AUTS2: variants seen among roughly 807,000 people sequenced by gnomAD.
AUTS2 encodes activator of transcription and developmental regulator AUTS2.
Under a neutral mutation model 112.4 loss-of-function variants are expected in AUTS2, and 17 were observed. The observed-to-expected ratio is 0.15, with a 90% CI of 0.10 to 0.23. The LOEUF (loss-of-function observed/expected upper bound fraction) is 0.23, where lower values mean the gene tolerates loss of function less well. Among genes scored for constraint, AUTS2 ranks in the 10% least tolerant of loss-of-function variants. AUTS2 has a pLI of 1.00. For missense variants in AUTS2, 1,510 were observed against 1,701.6 expected, an observed-to-expected ratio of 0.89 and a Z score of 1.98; for synonymous variants, 751 against 702.7, an observed-to-expected ratio of 1.07 and a Z score of -1.09.
intron 5 of AUTS2, among the ~76,000 whole-genome samples, chr7:70,557,380 C>G (rs1040597963): frequency 2.0e-5 from 3 of 152,230 alleles, no homozygotes; most frequent in African/African-American, 7.2e-5. Context: ...GCTCCCAGCC[C>G]TTGGCTGGCA....
intron 1 of AUTS2, among the ~76,000 whole-genome samples, chr7:69,617,747 A>C (rs1168581960): frequency 2.6e-5 from 4 of 151,950 alleles, no homozygotes; most frequent in Admixed American, 6.6e-5. Flanking sequence ...TTGTGCCACC[A>C]CTCCAGGTCT....
intron 5 of AUTS2, among the ~76,000 whole-genome samples, chr7:70,452,424 A>T (rs985820934): frequency 4.6e-5 from 7 of 152,140 alleles, no homozygotes; most frequent in African/African-American, 7.2e-5. Flanking sequence ...GCACCACTGC[A>T]CTCCAGTCTG....
chr7:70,177,330 C>A (rs1246587770), intron 4 of AUTS2, among the ~76,000 whole-genome samples: 2 of 152,132 alleles, frequency 1.3e-5, no homozygotes, highest in African/African-American at 4.8e-5. Context: ...GATTCAGAAA[C>A]CTGTGAGTCG....
chr7:70,584,756 G>C (rs557905525), intron 5 of AUTS2, among the ~76,000 whole-genome samples: 33 of 152,368 alleles, frequency 2.2e-4, no homozygotes, highest in African/African-American at 7.5e-4. Context: ...GAAGAAGGAA[G>C]GGGGAGCAAC....
intron 6 of AUTS2, among the ~76,000 whole-genome samples, chr7:70,712,654 C>T (rs963419598): frequency 7.9e-5 from 12 of 152,254 alleles, no homozygotes; most frequent in Middle Eastern, 3.4e-3. Context: ...CTAATGCAGA[C>T]GACTGTGGTC....
intron 2 of AUTS2, among the ~76,000 whole-genome samples, chr7:69,918,339 A>G (rs1795675291): frequency 6.6e-6 from 1 of 152,204 alleles, no homozygotes; most frequent in African/African-American, 2.4e-5. Flanking sequence ...TGGTGTGGCC[A>G]TTGGAGATTA....
chr7:69,920,031 G>A (rs896722674), intron 2 of AUTS2, among the ~76,000 whole-genome samples: 1 of 139,608 alleles, frequency 7.2e-6, no homozygotes, highest in African/African-American at 2.6e-5. Context: ...CCTTTTGTTG[G>A]GAAGAGATTA....
intron 5 of AUTS2, among the ~76,000 whole-genome samples, chr7:70,539,814 G>A (rs1191447431): frequency 2.6e-5 from 4 of 152,018 alleles, no homozygotes; most frequent in East Asian, 1.9e-4. Flanking sequence ...TCTGCTGTGC[G>A]GGAAGAAAGC....
intron 4 of AUTS2, among the ~76,000 whole-genome samples, chr7:70,375,291 A>T (rs1793034624): frequency 6.6e-6 from 1 of 152,184 alleles, no homozygotes; most frequent in Non-Finnish European, 1.5e-5. Flanking sequence ...TTGCTTTGAG[A>T]TTCCATTGGA....
intron 2 of AUTS2, among the ~76,000 whole-genome samples, chr7:70,022,293 A>C (rs1278793769): frequency 6.6e-6 from 1 of 151,260 alleles, no homozygotes; most frequent in Non-Finnish European, 1.5e-5. Flanking sequence ...GAGGCCATTC[A>C]CTGAACTTTG....
chr7:70,132,754 A>G (rs761343419), intron 3 of AUTS2, among the ~76,000 whole-genome samples: 1 of 152,178 alleles, frequency 6.6e-6, no homozygotes, highest in Non-Finnish European at 1.5e-5. Flanking sequence ...ATACGATAAG[A>G]TGATATGTAT....
intron 1 of AUTS2, among the ~76,000 whole-genome samples, chr7:69,652,794 G>A (rs780498069): frequency 1.6e-4 from 25 of 152,118 alleles, no homozygotes; most frequent in Non-Finnish European, 2.9e-4. Context: ...AGTGGGGGCT[G>A]GAGGAACTGT....
intron 2 of AUTS2, among the ~76,000 whole-genome samples, chr7:70,100,622 C>T (rs1034005330): frequency 8.6e-5 from 13 of 151,862 alleles, no homozygotes; most frequent in Admixed American, 6.6e-5. Context: ...TGTTCCCCTC[C>T]CTGTGTCCAT....
intron 1 of AUTS2, among the ~76,000 whole-genome samples, chr7:69,764,762 A>C (rs2129290245): frequency 6.6e-6 from 1 of 152,348 alleles, no homozygotes; most frequent in East Asian, 1.9e-4. Context: ...GTATATGAGA[A>C]GCATGTGGTT....
At chr7:70,009,186 G>C (rs1444045342) in intron 2 of AUTS2, among the ~76,000 whole-genome samples, 1 of 152,094 alleles carries the variant, frequency 6.6e-6, no homozygotes. Flanking sequence ...GCAAGAGGAA[G>C]CAGAACTCAC....
At chr7:70,247,587 C>T (rs1812992632) in intron 4 of AUTS2, among the ~76,000 whole-genome samples, 1 of 152,046 alleles carries the variant, frequency 6.6e-6, no homozygotes, top group South Asian at 2.1e-4. Context: ...TATAGAAATA[C>T]ACTTGATTTT....
intron 14 of AUTS2, among the ~76,000 whole-genome samples, chr7:70,777,844 G>A (rs1412673394): frequency 6.6e-6 from 1 of 152,192 alleles, no homozygotes; most frequent in Non-Finnish European, 1.5e-5. Context: ...TCTGCATCTG[G>A]GAAGAGCTAC....
chr7:70,759,719 G>A (rs573926305), intron 6 of AUTS2, among the ~76,000 whole-genome samples: 3 of 152,278 alleles, frequency 2.0e-5, no homozygotes, highest in Admixed American at 1.3e-4. Flanking sequence ...GCGAGCCCAC[G>A]CCTGCAGGAT....
chr7:69,849,658 T>A (rs554449978), intron 1 of AUTS2, among the ~76,000 whole-genome samples: 14 of 151,994 alleles, frequency 9.2e-5, no homozygotes, highest in Admixed American at 6.6e-4. Flanking sequence ...ATCACATAAA[T>A]ATGAAAATAT....
Sources: allele counts gnomAD v4.1 joint callset (sites outside exome capture counted in the v4.1 genomes callset), GRCh38; gene constraint gnomAD v4.1.1; transcripts MANE v1.5; gene names NCBI Gene and HGNC (gene_info 2026-07-23, HGNC 2026-07-21).